The following ZNF236 variants were observed in gnomAD, a reference collection of about 807,000 sequenced individuals.
ZNF236 encodes the protein zinc finger protein 236, also known as regulated by glucose.
Under a neutral mutation model 191.2 loss-of-function variants are expected in ZNF236, and 50 were observed. The observed-to-expected ratio is 0.26, with a 90% confidence interval of 0.21 to 0.33. The LOEUF (loss-of-function observed/expected upper bound fraction) is 0.33. Among genes scored for constraint, ZNF236 ranks in the 10% least tolerant of loss-of-function variants. ZNF236 has a pLI of 1.00. For missense variants in ZNF236, 1,754 were observed against 2,374.5 expected (o/e 0.74, Z 5.43); for synonymous variants, 907 against 928.8 (o/e 0.98, Z 0.43).
intron 26 of ZNF236, among the ~76,000 whole-genome samples, chr18:76,942,761 G>T (rs1218593292): frequency 6.7e-6 from 1 of 149,498 alleles, no homozygotes; most frequent in South Asian, 2.1e-4. Flanking sequence ...TGATCCGCCC[G>T]CCTTGGCCTC....
intron 3 of ZNF236, among the ~76,000 whole-genome samples, chr18:76,856,429 C>T (rs138744099): frequency 0.015 from 2,319 of 152,240 alleles, 26 homozygotes; most frequent in Middle Eastern, 0.02. Flanking sequence ...GTGATCCACC[C>T]GCCTTGGCCT....
rs1000228140 is a variant in ZNF236, at chr18:76,823,789, C to T, written c.55+1127C>T. On this transcript the variant is annotated intron_variant, in intron 1 of 30. Transcript: ENST00000320610. ...TCCTGCGCAGGGGGATCGGGGCGCACTCGCCGGTGCCGCGGTTCCCAGGTC... is the reference window on the plus strand; with the variant it reads ...TCCTGCGCAGGGGGATCGGGGCGCATTCGCCGGTGCCGCGGTTCCCAGGTC... Among the ~76,000 whole-genome samples the T allele has an allele frequency of 2.6e-5, 4 of 152,186 alleles. No individual in the cohort carries two copies. The East Asian group carries it at 7.7e-4, about 29-fold the overall frequency.
chr18:76,850,538 A>G (rs1444235366), intron 2 of ZNF236, among the ~76,000 whole-genome samples: 1 of 152,138 alleles, frequency 6.6e-6, no homozygotes, highest in Non-Finnish European at 1.5e-5. Flanking sequence ...TTATGGGAAA[A>G]TCTTAGACCT....
chr18:76,826,930 C>G (rs986104701), intron 1 of ZNF236, among the ~76,000 whole-genome samples: 2 of 150,622 alleles, frequency 1.3e-5, no homozygotes, highest in Non-Finnish European at 2.9e-5. Flanking sequence ...CAGAGTTTTG[C>G]TCGTTGCCCA....
Position 76,910,123 on chromosome 18 carries a change from G to A in ZNF236, c.2607G>A (p.Glu869=). ...GAGGGCACGTAGACCAGTTTGAAGAGCAGAGCCCTGCGCAACAGTCCTTCG... is the reference window on the plus strand; with the variant it reads ...GAGGGCACGTAGACCAGTTTGAAGAACAGAGCCCTGCGCAACAGTCCTTCG... ...PLRGHVDQFE[E]QSPAQQSFEP... Residue 869 remains glutamate, a synonymous_variant, in exon 15 of 31, where the codon GAG becomes GAA. Coordinates refer to ENST00000320610, the MANE Select transcript of ZNF236 (RefSeq NM_001306089.2). 4 of 1,613,710 alleles carry A rather than the reference G, an allele frequency of 2.5e-6. No homozygotes were observed. The highest frequency in any genetic ancestry group is 2.5e-6 in the Non-Finnish European group (3 of 1,179,654).
intron 21 of ZNF236, among the ~76,000 whole-genome samples, chr18:76,924,965 G>A (rs1967633880): frequency 6.6e-6 from 1 of 152,230 alleles, no homozygotes; most frequent in African/African-American, 2.4e-5. Flanking sequence ...TCAAAGGCTT[G>A]TGAAAATGCT....
At chr18:76,876,692 A>C (rs1000154712) in intron 6 of ZNF236, among the ~76,000 whole-genome samples, 5 of 152,234 alleles carry the variant, frequency 3.3e-5, no homozygotes, top group African/African-American at 2.4e-5. Context: ...GGTTACCTTT[A>C]GATTTCGGAA....
At chr18:76,901,287 T>C (rs1230009707) in intron 11 of ZNF236, among the ~76,000 whole-genome samples, 1 of 152,220 alleles carries the variant, frequency 6.6e-6, no homozygotes, top group African/African-American at 2.4e-5. Context: ...TAAGCACAGA[T>C]ACAAATGAGG....
chr18:76,835,733 G>T (rs1455417821), intron 1 of ZNF236, among the ~76,000 whole-genome samples: 1 of 152,096 alleles, frequency 6.6e-6, no homozygotes, highest in Non-Finnish European at 1.5e-5. Context: ...AGTATGGCCT[G>T]ATGATCTTTG....
intron 26 of ZNF236, among the ~76,000 whole-genome samples, chr18:76,942,695 T>C (rs1439068097): frequency 6.6e-6 from 1 of 150,746 alleles, no homozygotes; most frequent in African/African-American, 2.4e-5. Flanking sequence ...TGTTATTTTT[T>C]AGTAGAGACG....
chr18:76,949,372 C>G (rs1345375276), intron 27 of ZNF236, among the ~76,000 whole-genome samples: 3 of 152,076 alleles, frequency 2.0e-5, no homozygotes, highest in African/African-American at 7.2e-5. Context: ...GTTTTAACTT[C>G]CATATTCCAT....
At chr18:76,906,896 T>G (rs1178152744) in intron 13 of ZNF236, among the ~76,000 whole-genome samples, 1 of 152,178 alleles carries the variant, frequency 6.6e-6, no homozygotes, top group Non-Finnish European at 1.5e-5. Flanking sequence ...TTGTTGGAAA[T>G]TCCCAAAATA....
At chr18:76,935,447 C>T (rs1413031021) in intron 25 of ZNF236, among the ~76,000 whole-genome samples, 5 of 152,210 alleles carry the variant, frequency 3.3e-5, no homozygotes, top group African/African-American at 4.8e-5. Flanking sequence ...TGCACAGTCC[C>T]GGAACCTCTG....
rs1161190061 is a variant in ZNF236 at position 76,919,941 on chromosome 18, A to G, written c.3440A>G (p.Glu1147Gly). 2 of 1,614,074 alleles carry G rather than the reference A, an allele frequency of 1.2e-6. No individual in the cohort carries two copies. The highest frequency in any genetic ancestry group is 1.7e-6 in the Non-Finnish European group (2 of 1,180,046). The change falls in exon 20 of 31, where the codon GAA becomes GGA. Residue 1147 changes from glutamate (E) to glycine (G), a missense_variant. Glu to Gly is a moderately conservative substitution (Grantham distance 98). This residue lies in a region of ZNF236 where 641 missense variants were observed against 869.6 expected (regional missense o/e 0.74). Coordinates refer to ENST00000320610, the MANE Select transcript of ZNF236 (RefSeq NM_001306089.2). The surrounding 1 kb of genome is among the most constrained non-coding windows in gnomAD (Gnocchi z 5.3). ...SEKVLVQSAA[E>G]KDRISELRDK... ...AAGGTCCTGGTGCAGTCCGCGGCAG[A>G]AAAGGACCGCATCAGTGAGCTGAGG...
At chr18:76,938,680 C>T (rs1035709580) in intron 26 of ZNF236, among the ~76,000 whole-genome samples, 6 of 152,180 alleles carry the variant, frequency 3.9e-5, no homozygotes, top group South Asian at 2.1e-4. Context: ...AGCTCCTCAC[C>T]GAGGCCCCCT....
intron 1 of ZNF236, among the ~76,000 whole-genome samples, chr18:76,823,062 G>A (rs12457908): frequency 0.18 from 27,529 of 150,060 alleles, 2,696 homozygotes; most frequent in East Asian, 0.36. Flanking sequence ...GCGCTGGGGA[G>A]GCGGCCTGGC....
intron 1 of ZNF236, among the ~76,000 whole-genome samples, chr18:76,847,407 CAAG>C (rs1251544258): frequency 6.6e-6 from 1 of 152,030 alleles, no homozygotes; most frequent in African/African-American, 2.4e-5. Context: ...CACAGTTTTC[CAAG>C]GGAATTGTAT....
Position 76,925,415 on chromosome 18 carries a change from G to A in ZNF236, c.3888G>A (p.Gln1296=), listed in dbSNP as rs549352275. Reference sequence around the variant, plus strand: ...CTCGAAGCTCATCGGAAGGACTGCAGCCTGTAAACCTCCTCAACTCCTCCT... The same window carrying A: ...CTCGAAGCTCATCGGAAGGACTGCAACCTGTAAACCTCCTCAACTCCTCCT... ...PMTRSSSEGL[Q]PVNLLNSSST... Residue 1296 remains glutamine (Q), a synonymous_variant, in exon 22 of 31, where the codon CAG becomes CAA. Transcript: ENST00000320610. The surrounding 1 kb of genome is among the most constrained non-coding windows in gnomAD (Gnocchi z 5.7). 6.2e-7 allele frequency: 1 copy of A among 1,614,216 alleles called. No individual in the cohort carries two copies. Among genetic ancestry groups the A allele is most frequent in the East Asian group, 2.2e-5 (1 of 44,884 alleles).
At chr18:76,961,170 C>A (rs201849271) in intron 30 of ZNF236, among the ~76,000 whole-genome samples, 2 of 152,080 alleles carry the variant, frequency 1.3e-5, no homozygotes, top group Non-Finnish European at 2.9e-5. Flanking sequence ...CATTCTTTCC[C>A]CCCGAGTCCC....
Sources: gnomAD v4.1 joint callset for allele counts (sites outside exome capture counted in the v4.1 genomes callset) on GRCh38, gnomAD v4.1.1 for gene constraint, gnomAD v4.1.1 regional missense constraint, Gnocchi (gnomAD v3.1) non-coding constraint, MANE v1.5 for transcripts, NCBI Gene and HGNC (gene_info 2026-07-23, HGNC 2026-07-21) for gene names.